NRDE2: variants seen among roughly 807,000 people sequenced by gnomAD.
NRDE2 encodes the protein nuclear exosome regulator NRDE2.
Under a neutral mutation model 124.2 loss-of-function variants are expected in NRDE2, and 76 were observed. The ratio of observed to expected loss-of-function variants is 0.61; its 90% CI spans 0.51 to 0.74. NRDE2 has a LOEUF of 0.74. Ranked by LOEUF, NRDE2 falls within the 30% of genes least tolerant of loss-of-function variation. The pLI is 0.00. For synonymous variants in NRDE2, 489 were observed against 528.1 expected (o/e 0.93, Z 1.01); for missense variants, 1,314 against 1,417.3 (o/e 0.93, Z 1.17).
intron 8 of NRDE2, among the ~76,000 whole-genome samples, chr14:90,294,835 A>G (rs2139680986): frequency 6.6e-6 from 1 of 152,330 alleles, no homozygotes; most frequent in South Asian, 2.1e-4. Flanking sequence ...ATTATATTTT[A>G]CAACTAAAAA....
At position 90,274,836 on chromosome 14, in the gene NRDE2, ACACC is replaced by A. The variant is rs1891766547; in HGVS notation, c.*3496_*3499del. 1.7e-5 allele frequency: 1 copy of A among 59,236 alleles called. No individual in the cohort carries two copies. Among genetic ancestry groups the A allele is most frequent in the Non-Finnish European group, 3.8e-5 (1 of 26,642 alleles). The allele number at this position is 59,236 out of a possible 1,614,324, so 3.7% of individuals were successfully genotyped here. ...CACACACACACACACACACACACAC[ACACC>A]CCAATACATATGAATTGATCTGAAA... On this transcript the variant is annotated 3_prime_UTR_variant, in exon 14 of 14. Transcript: ENST00000354366.
At chr14:90,278,538 C>G (rs749144643) in intron 13 of NRDE2, 77 bp from the exon 14 acceptor site, 99 of 1,581,752 alleles carry the variant, frequency 6.3e-5, no homozygotes, top group Non-Finnish European at 8.5e-5. Flanking sequence ...AAGCAAGGGC[C>G]AGGTTCCTGG....
At chr14:90,287,304 C>T (rs759314873) in intron 11 of NRDE2, among the ~76,000 whole-genome samples, 8 of 152,032 alleles carry the variant, frequency 5.3e-5, no homozygotes, top group Non-Finnish European at 1.2e-4. Context: ...CCCAGATTAA[C>T]ATTTAACCTT....
chr14:90,326,639 T>C (rs1885451268), intron 1 of NRDE2, among the ~76,000 whole-genome samples: 1 of 151,994 alleles, frequency 6.6e-6, no homozygotes, highest in Admixed American at 6.6e-5. Flanking sequence ...GAAACAGAGA[T>C]GGAAGGTTTT....
chr14:90,331,860 A>G lies in NRDE2; in HGVS notation c.45T>C (p.Asp15=). ...GCTTACCTTTCCTGGAGCTCCCGCC[A>G]TCGGGAGCCTCACTAAGCCCCGCAA... ...PAFAGLSEAP[D]GGSSRKELDW... is the part of the protein sequence containing the mutation. Residue 15 remains aspartate (D), a synonymous_variant, in exon 1 of 14, where the codon GAT becomes GAC. Transcript: ENST00000354366. 2 of 1,614,030 alleles carry G rather than the reference A, an allele frequency of 1.2e-6. No individual in the cohort carries two copies. The highest frequency in any genetic ancestry group is 1.1e-5 in the South Asian group (1 of 91,076).
intron 1 of NRDE2, among the ~76,000 whole-genome samples, chr14:90,325,719 G>A (rs1411660841): frequency 6.6e-6 from 1 of 152,122 alleles, no homozygotes; most frequent in Non-Finnish European, 1.5e-5. Context: ...TAGAGTCAGG[G>A]TTTTGTCATG....
rs1764169554 is a variant in NRDE2, at chr14:90,320,823, G to A, written c.65-2710C>T. On this transcript the variant is annotated intron_variant, in intron 1 of 13. Coordinates refer to ENST00000354366, the MANE Select transcript of NRDE2 (RefSeq NM_017970.4). ...TCCTCACAACAAGGCTCTATGGGAG[G>A]TATTATGATCACCATTTTATAGAAG... 1.3e-5 allele frequency among the ~76,000 whole-genome samples: 2 copies of A among 152,146 alleles called. 1 individual carries two copies. The highest frequency in any genetic ancestry group is 4.1e-4 in the South Asian group (2 of 4,836).
rs1884388941 is a variant in NRDE2 at position 90,301,250 on chromosome 14, T to C, written c.1534A>G (p.Thr512Ala). The C allele has an allele frequency of 6.2e-7, 1 of 1,613,450 alleles. No individual in the cohort carries two copies. Among genetic ancestry groups the C allele is most frequent in the Admixed American group, 1.7e-5 (1 of 59,976 alleles). Residue 512 changes from threonine to alanine, a missense_variant, in exon 7 of 14, where the codon ACC (threonine) becomes GCC (alanine). Coordinates refer to ENST00000354366, the MANE Select transcript of NRDE2 (RefSeq NM_017970.4). ...GCAGAGCTGGGTACCTGTCCTTTGG[T>C]AGGCAGATCTTTCACGCTGTCGGGT... Reference protein sequence around the residue: ...FKPDSVKDLPTKGQVEFFEPF... With the variant: ...FKPDSVKDLPAKGQVEFFEPF...
rs1305794866 is a variant in NRDE2, at chr14:90,267,992, C to CATG, written c.*10343_*10344insCAT. 1 of 413,188 alleles carries CATG rather than the reference C, an allele frequency of 2.4e-6. No individual in the cohort carries two copies. Among genetic ancestry groups the CATG allele is most frequent in the Non-Finnish European group, 4.3e-6 (1 of 234,724 alleles). The allele number at this position is 413,188 out of a possible 1,614,324, so 25.6% of individuals were successfully genotyped here. On this transcript the variant is annotated 3_prime_UTR_variant, in exon 14 of 14. Coordinates refer to ENST00000354366, the MANE Select transcript of NRDE2 (RefSeq NM_017970.4). The stretch of plus-strand genomic sequence containing the variant: ...AGTAAAAAGTATTTTCTGACGTTAT[C>CATG]ATAAGTTCAGCAAAATAGCTAAGGA...
intron 11 of NRDE2, among the ~76,000 whole-genome samples, 175 bp downstream of exon 11, chr14:90,288,040 TTG>T (rs945529748): frequency 3.9e-5 from 6 of 152,210 alleles, no homozygotes; most frequent in Non-Finnish European, 8.8e-5. Flanking sequence ...CGCCGCTACT[TTG>T]TGTCTCGCTT....
At chr14:90,301,836 T>C (rs919106295) in intron 6 of NRDE2, 16 of 455,836 alleles carry the variant, frequency 3.5e-5, no homozygotes, top group East Asian at 6.9e-5. Context: ...TGTCTGAACA[T>C]TCCAGTTCAT....
In NRDE2 at chr14:90,274,822, A is replaced by ACACACACACACACACAC. The variant is rs1891763549; in HGVS notation, c.*3497_*3513dup. ...CACACACACACACACACACACACAC[A>ACACACACACACACACAC]CACACACACACACACACCCCAATAC... is the stretch of plus-strand genomic sequence containing the variant. On this transcript the variant is annotated 3_prime_UTR_variant, in exon 14 of 14. Coordinates refer to ENST00000354366, the MANE Select transcript of NRDE2 (RefSeq NM_017970.4). The ACACACACACACACACAC allele has an allele frequency of 8.6e-6, 1 of 116,404 alleles. No homozygotes were observed. Among genetic ancestry groups the ACACACACACACACACAC allele is most frequent in the African/African-American group, 3.9e-5 (1 of 25,762 alleles). 7.2% of individuals were successfully genotyped at this position (116,404 alleles called of 1,614,324 possible).
In NRDE2 at chr14:90,302,987, C is replaced by T; in HGVS notation, c.1144G>A (p.Asp382Asn). 6.2e-7 allele frequency: 1 copy of T among 1,614,062 alleles called. No homozygotes were observed. Among genetic ancestry groups the T allele is most frequent in the Admixed American group, 1.7e-5 (1 of 60,026 alleles). The change falls in exon 6 of 14, where the codon GAT (aspartate) becomes AAT (asparagine). Residue 382 changes from aspartate to asparagine, a missense_variant. Asp to Asn is a conservative substitution (Grantham distance 23). Coordinates refer to ENST00000354366, the MANE Select transcript of NRDE2 (RefSeq NM_017970.4). ...AGCTTCAGCTTGGCCAGTTTCAGATCCACACTGCTCTGGTTGCTCTCAATG... is the reference window on the plus strand; with the variant it reads ...AGCTTCAGCTTGGCCAGTTTCAGATTCACACTGCTCTGGTTGCTCTCAATG... ...RAIESNQSSV[D>N]LKLAKLKLCT...
Position 90,275,115 on chromosome 14 carries a change from A to T in NRDE2, c.*3221T>A, listed in dbSNP as rs765027920. 6.6e-6 allele frequency: 1 copy of T among 152,220 alleles called. No individual in the cohort carries two copies. Among genetic ancestry groups the T allele is most frequent in the Non-Finnish European group, 1.5e-5 (1 of 68,038 alleles). 9.4% of individuals were successfully genotyped at this position (152,220 alleles called of 1,614,324 possible). A position where few individuals can be genotyped will look rare whatever the true frequency, so the allele number is the denominator to read the frequency against. On this transcript the variant is annotated 3_prime_UTR_variant, in exon 14 of 14. Coordinates refer to ENST00000354366, the MANE Select transcript of NRDE2 (RefSeq NM_017970.4). ...ACACCAGGCAAACACAAACTGAGGA[A>T]CATTCTACAAATTCAGAACACTTCA...
In NRDE2 at chr14:90,316,773, G is replaced by A. The variant is rs756757712; in HGVS notation, c.212C>T (p.Thr71Ile). ...LKSESSDESD[T>I]NKKLKQTSRK... ...ACTTGTTTGTTTGAGCTTTTTGTTA[G>A]TGTCACTTTCATCTGAAGACTCTGA... Residue 71 changes from threonine (T) to isoleucine (I), a missense_variant, in exon 3 of 14, where the codon ACT (threonine) becomes ATT (isoleucine). Thr to Ile is a moderately conservative substitution (Grantham distance 89). Transcript: ENST00000354366. 1.9e-6 allele frequency: 3 copies of A among 1,611,834 alleles called. No homozygotes were observed. Among genetic ancestry groups the A allele is most frequent in the Non-Finnish European group, 1.7e-6 (2 of 1,179,678 alleles).
Position 90,288,642 on chromosome 14 carries a change from C to A in NRDE2, c.2733G>T (p.Met911Ile). The A allele has an allele frequency of 6.2e-7, 1 of 1,614,142 alleles. No homozygotes were observed. The highest frequency in any genetic ancestry group is 8.5e-7 in the Non-Finnish European group (1 of 1,180,050). The change falls in exon 11 of 14, where the codon ATG becomes ATT. Residue 911 changes from methionine to isoleucine, a missense_variant. Coordinates refer to ENST00000354366, the MANE Select transcript of NRDE2 (RefSeq NM_017970.4). ...SRLISLAKCFMLFQYLTIGID... is the reference protein window; with the variant it reads ...SRLISLAKCFILFQYLTIGID... ...TCCCTATGGTCAAATACTGGAAGAG[C>A]ATGAAGCATTTAGCCAGGCTAATTA...
chr14:90,286,406 C>T lies in NRDE2; in HGVS notation c.3245G>A (p.Ser1082Asn), dbSNP rs980113434. The T allele has an allele frequency of 1.3e-5, 21 of 1,614,066 alleles. No homozygotes were observed. The highest frequency in any genetic ancestry group is 1.8e-5 in the Non-Finnish European group (21 of 1,180,014). Residue 1082 changes from serine to asparagine, a missense_variant, in exon 12 of 14, where the codon AGC becomes AAC. Transcript: ENST00000354366. Reference sequence around the variant, plus strand: ...CAAGGGGCACTGGCTGCCACTGTCGCTGCGCATGGCATTTTCAAACAGGGC... The same window carrying T: ...CAAGGGGCACTGGCTGCCACTGTCGTTGCGCATGGCATTTTCAAACAGGGC... The part of the protein sequence containing the change: ...IQALFENAMR[S>N]DSGSQCPLLW...
At chr14:90,326,109 T>G (rs1431686506) in intron 1 of NRDE2, among the ~76,000 whole-genome samples, 4 of 152,200 alleles carry the variant, frequency 2.6e-5, no homozygotes, top group Non-Finnish European at 5.9e-5. Context: ...GATGGAGTTC[T>G]GTGCACTAGT....
intron 1 of NRDE2, among the ~76,000 whole-genome samples, chr14:90,330,537 C>T (rs887024770): frequency 6.6e-6 from 1 of 152,122 alleles, no homozygotes; most frequent in African/African-American, 2.4e-5. Flanking sequence ...ATAGGACAAG[C>T]GCAGTGGCTC....
Sources: gnomAD v4.1 joint callset for allele counts (sites outside exome capture counted in the v4.1 genomes callset) on GRCh38, gnomAD v4.1.1 for gene constraint, MANE v1.5 for transcripts, NCBI Gene and HGNC (gene_info 2026-07-23, HGNC 2026-07-21) for gene names.